Variants in PRDX1 observed in about 807,000 individuals in gnomAD.
PRDX1 encodes the protein peroxiredoxin-1.
In PRDX1, 19 loss-of-function variants were observed where a neutral mutation model predicts 20.7. That is an observed-to-expected ratio of 0.92 (90% CI 0.64 to 1.35). PRDX1 has a LOEUF of 1.35. Ranked by LOEUF, PRDX1 falls within the 40% of genes most tolerant of loss-of-function variation. The pLI is 0.00. For missense variants in PRDX1, 226 were observed against 240.0 expected, an observed-to-expected ratio of 0.94 and a Z score of 0.38; for synonymous variants, 89 against 83.9, an observed-to-expected ratio of 1.06 and a Z score of -0.33.
chr1:45,514,652 G>T lies in PRDX1; in HGVS notation c.384-15C>A. ...TAAAAAGGCCCCTGGGAAAAGAGAT[G>T]AAAGGAAAAGCAATACAGGTTTAGA... On this transcript the variant is annotated splice_polypyrimidine_tract_variant and intron_variant, in intron 4 of 5. Coordinates refer to ENST00000319248, the MANE Select transcript of PRDX1 (RefSeq NM_181697.3). 6.2e-7 allele frequency: 1 copy of T among 1,613,136 alleles called. No homozygotes were observed. Among genetic ancestry groups the T allele is most frequent in the East Asian group, 2.2e-5 (1 of 44,886 alleles).
At chr1:45,514,811 G>T (rs989767330) in intron 4 of PRDX1, 62 bp downstream of exon 4, 6 of 1,604,222 alleles carry the variant, frequency 3.7e-6, no homozygotes, top group Non-Finnish European at 5.1e-6. Context: ...TACAGATCAG[G>T]GCTCTAGATC....
At chr1:45,521,370 G>A (rs1643911615) in intron 1 of PRDX1, among the ~76,000 whole-genome samples, 1 of 152,178 alleles carries the variant, frequency 6.6e-6, no homozygotes, top group South Asian at 2.1e-4. Context: ...GGAAAATAAA[G>A]ACGGGGAAAG....
chr1:45,511,084 T>G lies in PRDX1; in HGVS notation c.*245A>C, dbSNP rs980213392. On this transcript the variant is annotated 3_prime_UTR_variant, in exon 6 of 6. Transcript: ENST00000319248. Reference sequence around the variant, plus strand: ...CAAGTTTAATACAAACTACAAAAGATTAATGGGTTGCTCTACTAATACATC... The same window carrying G: ...CAAGTTTAATACAAACTACAAAAGAGTAATGGGTTGCTCTACTAATACATC... 3 of 353,548 alleles carry G rather than the reference T, an allele frequency of 8.5e-6. No homozygotes were observed. The allele number at this position is 353,548 out of a possible 1,614,324, so 21.9% of individuals were successfully genotyped here. A position where few individuals can be genotyped will look rare whatever the true frequency, so the allele number is the denominator to read the frequency against.
At chr1:45,521,299 C>T (rs1270970173) in intron 1 of PRDX1, among the ~76,000 whole-genome samples, 2 of 152,298 alleles carry the variant, frequency 1.3e-5, no homozygotes, top group East Asian at 3.9e-4. Flanking sequence ...GAGAAAGCAC[C>T]AGCAGAGAGA....
chr1:45,521,128 CCTT>C (rs1245401995), intron 1 of PRDX1, among the ~76,000 whole-genome samples: 2 of 152,206 alleles, frequency 1.3e-5, no homozygotes, highest in Non-Finnish European at 2.9e-5. Context: ...CTCGTCCAAT[CCTT>C]CTTTCCCAAG....
intron 2 of PRDX1, among the ~76,000 whole-genome samples, chr1:45,517,695 T>C (rs1276581800): frequency 6.9e-6 from 1 of 145,794 alleles, no homozygotes; most frequent in East Asian, 2.0e-4. Context: ...GGCCTGAGAA[T>C]GGCATGAACC....
intron 5 of PRDX1, chr1:45,512,978 T>C (rs1391629061): frequency 2.0e-5 from 3 of 152,114 alleles, no homozygotes; most frequent in African/African-American, 7.2e-5. Flanking sequence ...TAATCCAGAC[T>C]CTAATAACTT....
chr1:45,521,948 G>C (rs755688143), upstream of PRDX1: 1 of 152,320 alleles, frequency 6.6e-6, no homozygotes. Context: ...CGGAACGGAC[G>C]GGGGTGCCGG....
intron 1 of PRDX1, among the ~76,000 whole-genome samples, chr1:45,519,881 G>C (rs1413340394): frequency 6.6e-6 from 1 of 152,188 alleles, no homozygotes; most frequent in Non-Finnish European, 1.5e-5. Context: ...ACAGGCGTGA[G>C]CCACCGCGCC....
chr1:45,513,313 G>T (rs1415255961), intron 5 of PRDX1: 1 of 152,192 alleles, frequency 6.6e-6, no homozygotes, highest in Non-Finnish European at 1.5e-5. Flanking sequence ...CTTTGGGAGT[G>T]ACTGATTCTA....
intron 5 of PRDX1, among the ~76,000 whole-genome samples, chr1:45,513,867 T>C (rs896794457): frequency 2.6e-5 from 4 of 152,174 alleles, no homozygotes; most frequent in African/African-American, 4.8e-5. Flanking sequence ...CCCCATGTGA[T>C]AGTCTGAAAT....
At chr1:45,513,138 T>G (rs1643787379) in intron 5 of PRDX1, 1 of 152,076 alleles carries the variant, frequency 6.6e-6, no homozygotes, top group South Asian at 2.1e-4. Context: ...GACTCCATCT[T>G]GCAAAAAATA....
intron 1 of PRDX1, among the ~76,000 whole-genome samples, chr1:45,520,205 CAAAA>C (rs59260423): frequency 2.2e-5 from 2 of 91,032 alleles, no homozygotes; most frequent in African/African-American, 4.6e-5. Flanking sequence ...ACTCTGTCTC[CAAAA>C]AAAAAAAAAA....
intron 5 of PRDX1, chr1:45,513,064 G>A (rs369862108): frequency 1.3e-5 from 2 of 152,114 alleles, no homozygotes; most frequent in African/African-American, 4.8e-5. Context: ...AATGGCTCAG[G>A]GGAGGCGGAG....
intron 2 of PRDX1, among the ~76,000 whole-genome samples, chr1:45,518,225 C>T (rs937410932): frequency 4.6e-5 from 7 of 151,456 alleles, no homozygotes; most frequent in Admixed American, 6.6e-5. Flanking sequence ...CATTTTGGGA[C>T]GCCGAGGTGG....
intron 5 of PRDX1, among the ~76,000 whole-genome samples, chr1:45,513,822 C>A (rs1205602360): frequency 6.6e-6 from 1 of 152,228 alleles, no homozygotes; most frequent in Admixed American, 6.5e-5. Context: ...ACAGGGACCT[C>A]TGCCTAGGAA....
chr1:45,511,591 C>A, intron 5 of PRDX1, 177 bp from the exon 6 acceptor site: 1 of 433,746 alleles, frequency 2.3e-6, no homozygotes, highest in Non-Finnish European at 4.1e-6. Context: ...AACATATAAT[C>A]ATCACCACAG....
At chr1:45,513,469 A>G (rs1413721861) in intron 5 of PRDX1, 1 of 152,242 alleles carries the variant, frequency 6.6e-6, no homozygotes, top group Non-Finnish European at 1.5e-5. Flanking sequence ...CCATTTTCTT[A>G]TTTGGTAGCT....
rs762465464 is a variant in PRDX1, at chr1:45,519,009, G to T, written c.35C>A (p.Ala12Asp). 3.1e-6 allele frequency: 5 copies of T among 1,599,550 alleles called. No individual in the cohort carries two copies. Among genetic ancestry groups the T allele is most frequent in the Non-Finnish European group, 4.3e-6 (5 of 1,175,650 alleles). The change falls in exon 2 of 6, where the codon GCC becomes GAC. Residue 12 changes from alanine (A) to aspartate (D), a missense_variant. Coordinates refer to ENST00000319248, the MANE Select transcript of PRDX1 (RefSeq NM_181697.3). ...AACAGCTGTGGCTTTGAAGTTGGGGGCAGGGTGCCCAATTTTAGCATTTCC... is the reference window on the plus strand; with the variant it reads ...AACAGCTGTGGCTTTGAAGTTGGGGTCAGGGTGCCCAATTTTAGCATTTCC... ...SSGNAKIGHPAPNFKATAVMP... is the reference protein window; with the variant it reads ...SSGNAKIGHPDPNFKATAVMP...
Sources: allele counts gnomAD v4.1 joint callset (sites outside exome capture counted in the v4.1 genomes callset), GRCh38; gene constraint gnomAD v4.1.1; transcripts MANE v1.5; gene names NCBI Gene and HGNC (gene_info 2026-07-23, HGNC 2026-07-21).